MED13L: variants seen among roughly 807,000 people sequenced by gnomAD.
MED13L encodes mediator of RNA polymerase II transcription subunit 13-like.
MED13L carries 7 observed loss-of-function variants against 220.9 expected under a neutral mutation model. The observed-to-expected ratio is 0.03, with a 90% CI of 0.02 to 0.06. The LOEUF is 0.06. MED13L is among the 10% of genes least tolerant of loss of function. The pLI is 1.00. For synonymous variants in MED13L, 1,011 were observed against 1,015.2 expected, an observed-to-expected ratio of 1.00 and a Z score of 0.08; for missense variants, 1,965 against 2,760.5, an observed-to-expected ratio of 0.71 and a Z score of 6.46.
At chr12:115,963,862 C>T (rs184228373) in intron 29 of MED13L, among the ~76,000 whole-genome samples, 173 of 152,184 alleles carry the variant, frequency 1.1e-3, no homozygotes, top group African/African-American at 3.9e-3. Flanking sequence ...TATCAATATT[C>T]ACCACTTTTC....
chr12:116,079,628 T>A (rs1871086215), intron 4 of MED13L, among the ~76,000 whole-genome samples: 1 of 152,066 alleles, frequency 6.6e-6, no homozygotes, highest in Non-Finnish European at 1.5e-5. Context: ...AGCCTTGACC[T>A]CGTGGGCTCA....
chr12:116,018,175 A>T (rs1448697041), intron 7 of MED13L, among the ~76,000 whole-genome samples: 1 of 152,206 alleles, frequency 6.6e-6, no homozygotes, highest in African/African-American at 2.4e-5. Flanking sequence ...ATTTATCAGA[A>T]AAAATAACCA....
intron 2 of MED13L, among the ~76,000 whole-genome samples, chr12:116,203,443 TA>T (rs1882127839): frequency 6.7e-6 from 1 of 150,280 alleles, no homozygotes; most frequent in Admixed American, 6.6e-5. Flanking sequence ...AACATAAAAA[TA>T]AAAATAAAAA....
intron 1 of MED13L, chr12:116,276,526 G>C (rs938168785): frequency 4.7e-6 from 6 of 1,282,024 alleles, no homozygotes; most frequent in African/African-American, 4.6e-5. Flanking sequence ...GGAGCTTCGG[G>C]TGCAAGAGTC....
At chr12:115,993,583 T>C (rs905634625) in intron 16 of MED13L, among the ~76,000 whole-genome samples, 1 of 151,770 alleles carries the variant, frequency 6.6e-6, no homozygotes, top group Non-Finnish European at 1.5e-5. Flanking sequence ...GAAAACTTGA[T>C]TGGCAATCAC....
chr12:116,168,148 CAA>C (rs373521629), intron 2 of MED13L, among the ~76,000 whole-genome samples: 98 of 151,854 alleles, frequency 6.5e-4, no homozygotes, highest in East Asian at 1.5e-3. Context: ...AAGTATGAAA[CAA>C]AGAGTCACAT....
chr12:116,022,170 T>C (rs1368813938), intron 5 of MED13L, among the ~76,000 whole-genome samples: 1 of 152,232 alleles, frequency 6.6e-6, no homozygotes, highest in Non-Finnish European at 1.5e-5. Context: ...TTTTCAAGTA[T>C]TTATTGATTT....
Position 116,161,747 on chromosome 12 carries a change from G to A in MED13L, c.311-50235C>T, listed in dbSNP as rs544850107. ...GAAAGCCTTCCCAGAAAAAAATTACGTCAACGCTAACAAAACAAATATATA... is the reference window on the plus strand; with the variant it reads ...GAAAGCCTTCCCAGAAAAAAATTACATCAACGCTAACAAAACAAATATATA... On this transcript the variant is annotated intron_variant, in intron 2 of 30. Transcript: ENST00000281928. Among the ~76,000 whole-genome samples, 44 of 152,208 alleles carry A rather than the reference G, an allele frequency of 2.9e-4. No individual in the cohort carries two copies. In the South Asian group the frequency reaches 8.1e-3, roughly 28 times the overall value.
intron 3 of MED13L, among the ~76,000 whole-genome samples, chr12:116,109,200 A>C (rs1052773298): frequency 6.6e-6 from 1 of 150,398 alleles, no homozygotes; most frequent in Non-Finnish European, 1.5e-5. Flanking sequence ...CCTCCCAAGC[A>C]GCTGTGACCA....
chr12:116,201,606 A>G (rs1334271005), intron 2 of MED13L, among the ~76,000 whole-genome samples: 1 of 152,204 alleles, frequency 6.6e-6, no homozygotes, highest in Admixed American at 6.5e-5. Context: ...GAAGCAAAGG[A>G]CATCAAGGAG....
intron 4 of MED13L, among the ~76,000 whole-genome samples, chr12:116,084,932 A>T (rs547738652): frequency 1.2e-4 from 18 of 152,258 alleles, no homozygotes; most frequent in African/African-American, 3.9e-4. Context: ...TCATTTTTTT[A>T]AAATCTCAGT....
At chr12:116,264,266 AAC>A (rs1459283052) in intron 1 of MED13L, among the ~76,000 whole-genome samples, 1 of 152,196 alleles carries the variant, frequency 6.6e-6, no homozygotes, top group East Asian at 1.9e-4. Flanking sequence ...AAACAATGGC[AAC>A]ATCATTTGAT....
chr12:116,090,743 T>G (rs1376791860), intron 4 of MED13L, among the ~76,000 whole-genome samples: 1 of 152,176 alleles, frequency 6.6e-6, no homozygotes, highest in African/African-American at 2.4e-5. Flanking sequence ...AAGGAGAGAT[T>G]TGTTTTGAGC....
chr12:116,241,678 T>C (rs1273984562), intron 1 of MED13L, among the ~76,000 whole-genome samples: 1 of 152,232 alleles, frequency 6.6e-6, no homozygotes, highest in African/African-American at 2.4e-5. Flanking sequence ...AAGTGATATC[T>C]TTCTTACAAA....
At chr12:116,234,215 C>CATT (rs1869850822) in intron 2 of MED13L, among the ~76,000 whole-genome samples, 1 of 149,758 alleles carries the variant, frequency 6.7e-6, no homozygotes, top group East Asian at 2.0e-4. Context: ...CAGGATTCTG[C>CATT]TATTTATTTA....
rs1415397145 is a variant in MED13L at position 116,009,049 on chromosome 12, G to A, written c.1364C>T (p.Ser455Leu). ...AGCAGGAGGTGGTAAAGATGAAGATGATGATGGTCCTGCACTGAACCCTGG... is the reference window on the plus strand; with the variant it reads ...AGCAGGAGGTGGTAAAGATGAAGATAATGATGGTCCTGCACTGAACCCTGG... Reference protein sequence around the residue: ...SQPGFSAGPSSSSSLPPPASS... With the variant: ...SQPGFSAGPSLSSSLPPPASS... Residue 455 changes from serine (S) to leucine (L), a missense_variant, in exon 10 of 31, where the codon TCA becomes TTA. By Grantham distance (145) the Ser-to-Leu change is moderately radical (BLOSUM62 -2). Around this residue, in one of 10 missense-constraint regions of MED13L, gnomAD observed 818 missense variants for 1,041.2 expected, o/e 0.79. Coordinates refer to ENST00000281928, the MANE Select transcript of MED13L (RefSeq NM_015335.5). 1.2e-6 allele frequency: 2 copies of A among 1,614,002 alleles called. No homozygotes were observed. The highest frequency in any genetic ancestry group is 1.7e-6 in the Non-Finnish European group (2 of 1,180,016).
rs750608544 is a variant in MED13L at position 116,009,092 on chromosome 12, G to A, written c.1321C>T (p.Pro441Ser). The A allele has an allele frequency of 3.7e-6, 6 of 1,614,026 alleles. 1 individual carries two copies. In the South Asian group the frequency reaches 5.5e-5, roughly 15 times the overall value. The change falls in exon 10 of 31, where the codon CCT becomes TCT. Residue 441 changes from proline to serine, a missense_variant. By Grantham distance (74) the Pro-to-Ser change is moderately conservative. This residue lies in a region of MED13L where 818 missense variants were observed against 1,041.2 expected (regional missense o/e 0.79). Coordinates refer to ENST00000281928, the MANE Select transcript of MED13L (RefSeq NM_015335.5). ...LKRCAVGPNR[P>S]PTVSQPGFSA... is the part of the protein sequence containing the mutation. Reference sequence around the variant, plus strand: ...AACCCTGGTTGAGATACTGTGGGAGGTCGATTGGGCCCGACTGCACAACGT... The same window carrying A: ...AACCCTGGTTGAGATACTGTGGGAGATCGATTGGGCCCGACTGCACAACGT...
chr12:116,018,838 G>A (rs941696689), intron 7 of MED13L, among the ~76,000 whole-genome samples: 1 of 151,168 alleles, frequency 6.6e-6, no homozygotes, highest in Non-Finnish European at 1.5e-5. Flanking sequence ...GCTGACAATG[G>A]TCACCGGGGC....
chr12:116,042,223 TA>T (rs1881576337), intron 4 of MED13L, among the ~76,000 whole-genome samples: 1 of 152,210 alleles, frequency 6.6e-6, no homozygotes, highest in African/African-American at 2.4e-5. Flanking sequence ...CAACTCAATA[TA>T]AAGACTAGCT....
Sources: gnomAD v4.1 joint callset for allele counts (sites outside exome capture counted in the v4.1 genomes callset) on GRCh38, gnomAD v4.1.1 for gene constraint, gnomAD v4.1.1 regional missense constraint, MANE v1.5 for transcripts, NCBI Gene and HGNC (gene_info 2026-07-23, HGNC 2026-07-21) for gene names.